CEP350: variants seen among roughly 807,000 people sequenced by gnomAD.
CEP350 encodes centrosome-associated protein 350.
CEP350 carries 126 observed loss-of-function variants against 331.8 expected under a neutral mutation model. The ratio of observed to expected loss-of-function variants is 0.38; its 90% CI spans 0.33 to 0.44. CEP350 has a LOEUF of 0.44. CEP350 is among the 20% of genes least tolerant of loss of function. The probability of loss-of-function intolerance (pLI) is 1.00; values close to 1 mark genes in which losing one functional copy is unlikely to be tolerated. For synonymous variants in CEP350, 1,200 were observed against 1,259.5 expected (o/e 0.95, Z 1.00); for missense variants, 3,406 against 3,634.6 (o/e 0.94, Z 1.62).
At chr1:179,981,843 A>G (rs1652289936) in intron 1 of CEP350, among the ~76,000 whole-genome samples, 1 of 152,124 alleles carries the variant, frequency 6.6e-6, no homozygotes, top group African/African-American at 2.4e-5. Flanking sequence ...ATAAAAATAA[A>G]AAAAAAATTA....
At chr1:180,057,282 G>A (rs1657913663) in intron 25 of CEP350, among the ~76,000 whole-genome samples, 1 of 151,706 alleles carries the variant, frequency 6.6e-6, no homozygotes, top group South Asian at 2.1e-4. Flanking sequence ...TGTATTTTTA[G>A]TAGAGACGGG....
intron 29 of CEP350, among the ~76,000 whole-genome samples, chr1:180,078,937 T>C (rs1659402970): frequency 6.6e-6 from 1 of 152,168 alleles, no homozygotes. Context: ...AAAAACAGTT[T>C]GTAGGAACAA....
Position 180,047,726 on chromosome 1 carries a change from A to C in CEP350, c.4623-810A>C, listed in dbSNP as rs898999304. On this transcript the variant is annotated intron_variant, in intron 21 of 37. Coordinates refer to ENST00000367607, the MANE Select transcript of CEP350 (RefSeq NM_014810.5). ...GCAGTGAACCAAATTGTGCCACTGC[A>C]CTCCAGCCTGGGCGACAGAATGAAA... Among the ~76,000 whole-genome samples the C allele has an allele frequency of 1.3e-4, 18 of 134,798 alleles. No individual in the cohort carries two copies. In the East Asian group the frequency reaches 4.0e-3, roughly 30 times the overall value. The allele number at this position is 134,798 out of a possible 152,430, so 88.4% of individuals were successfully genotyped here.
At chr1:180,056,029 C>CT (rs1657817859) in intron 25 of CEP350, among the ~76,000 whole-genome samples, 1 of 151,942 alleles carries the variant, frequency 6.6e-6, no homozygotes, top group African/African-American at 2.4e-5. Flanking sequence ...TGTGGGGTTT[C>CT]TTTTCACTTT....
chr1:180,096,196 A>T lies in CEP350; in HGVS notation c.9066+12A>T. 1 of 1,545,804 alleles carries T rather than the reference A, an allele frequency of 6.5e-7. No individual in the cohort carries two copies. Among genetic ancestry groups the T allele is most frequent in the Non-Finnish European group, 8.7e-7 (1 of 1,145,622 alleles). On this transcript the variant is annotated intron_variant, in intron 36 of 37. Coordinates refer to ENST00000367607, the MANE Select transcript of CEP350 (RefSeq NM_014810.5). ...TTGATGAAATCAAGGTAAACTGCAA[A>T]CTATAAAGTGTCTTCTTTTTTGACT...
At chr1:180,002,496 A>G (rs887149139) in intron 6 of CEP350, among the ~76,000 whole-genome samples, 1 of 152,138 alleles carries the variant, frequency 6.6e-6, no homozygotes, top group African/African-American at 2.4e-5. Flanking sequence ...AAAATGAAAT[A>G]AAATAAAATA....
In CEP350 at chr1:180,093,048, G is replaced by C; in HGVS notation, c.6943G>C (p.Val2315Leu). The C allele has an allele frequency of 6.2e-7, 1 of 1,606,358 alleles. No individual in the cohort carries two copies. Among genetic ancestry groups the C allele is most frequent in the Non-Finnish European group, 8.5e-7 (1 of 1,175,750 alleles). The change falls in exon 34 of 38, where the codon GTT becomes CTT. Residue 2315 changes from valine (V) to leucine (L), a missense_variant. Physicochemically the swap from Val to Leu is conservative, Grantham distance 32. Around this residue, in one of 5 missense-constraint regions of CEP350, gnomAD observed 1,415 missense variants for 1,512.3 expected, o/e 0.94. Transcript: ENST00000367607. ...TTCTGAAAATGTTCAGAAAGACCTA[G>C]TTGGATTAGCTATTGAAAATCTCCA... The part of the protein sequence containing the change: ...LDSENVQKDL[V>L]GLAIENLHKS...
chr1:180,043,628 G>T (rs1342628617), intron 20 of CEP350, among the ~76,000 whole-genome samples: 2 of 152,206 alleles, frequency 1.3e-5, no homozygotes, highest in Non-Finnish European at 1.5e-5. Flanking sequence ...GCTGGAGGCA[G>T]AGAGCAAAGA....
Position 180,008,945 on chromosome 1 carries a change from C to G in CEP350, c.1246+2378C>G, listed in dbSNP as rs1268912507. Among the ~76,000 whole-genome samples, 3 of 152,134 alleles carry G rather than the reference C, an allele frequency of 2.0e-5. No individual in the cohort carries two copies. The East Asian group carries it at 5.8e-4, about 29-fold the overall frequency. On this transcript the variant is annotated intron_variant, in intron 8 of 37. Transcript: ENST00000367607. Reference sequence around the variant, plus strand: ...CTTTAGATGTCATAATAGAGTGACACTTGCTATATACAGATAAAAAAATAA... The same window carrying G: ...CTTTAGATGTCATAATAGAGTGACAGTTGCTATATACAGATAAAAAAATAA...
rs114339568 is a variant in CEP350 at position 180,011,566 on chromosome 1, T to C, written c.1247-363T>C. Among the ~76,000 whole-genome samples the C allele has an allele frequency of 4.2e-3, 644 of 152,228 alleles. 5 individuals are homozygous for C. Among genetic ancestry groups the C allele is most frequent in the African/African-American group, 0.015 (612 of 41,534 alleles). ...AAGCGATTCTTGTGTCTCAGCCTCC[T>C]TAGTAGCTGGGATTATAGGCACCCT... On this transcript the variant is annotated intron_variant, in intron 8 of 37. Transcript: ENST00000367607.
intron 6 of CEP350, among the ~76,000 whole-genome samples, chr1:179,998,343 C>G (rs1653623787): frequency 7.2e-6 from 1 of 138,796 alleles, no homozygotes; most frequent in African/African-American, 2.8e-5. Flanking sequence ...GAGTCTCACT[C>G]TGTCGCCCAG....
chr1:180,081,044 T>G (rs1364704786), intron 30 of CEP350, among the ~76,000 whole-genome samples: 1 of 151,700 alleles, frequency 6.6e-6, no homozygotes, highest in African/African-American at 2.4e-5. Flanking sequence ...ATTTTTTTTT[T>G]TTTAGTAGAG....
intron 22 of CEP350, 60 bp downstream of exon 22, chr1:180,048,765 C>T: frequency 7.3e-7 from 1 of 1,365,070 alleles, no homozygotes; most frequent in Non-Finnish European, 1.0e-6. Flanking sequence ...GAAAGGTGAT[C>T]CTTGTTATAA....
chr1:180,054,580 C>A (rs1454843561), intron 25 of CEP350, 78 bp downstream of exon 25: 5 of 1,033,412 alleles, frequency 4.8e-6, no homozygotes, highest in Non-Finnish European at 5.9e-6. Context: ...TGCCTGATTT[C>A]TTTTCCTTAT....
rs566076546 is a variant in CEP350 at position 180,085,262 on chromosome 1, G to A, written c.6285+1084G>A. 9.2e-5 allele frequency among the ~76,000 whole-genome samples: 14 copies of A among 152,224 alleles called. 1 individual carries two copies. The South Asian group carries it at 2.7e-3, about 29-fold the overall frequency. On this transcript the variant is annotated intron_variant, in intron 31 of 37. Transcript: ENST00000367607. ...AACTTGAATTTTCCCCCAAGCCGTA[G>A]CAGCCTTTCTGAGTCTGTCCCAGGC...
intron 27 of CEP350, among the ~76,000 whole-genome samples, chr1:180,070,093 T>C (rs1045656646): frequency 7.9e-5 from 12 of 152,194 alleles, no homozygotes; most frequent in Admixed American, 5.9e-4. Flanking sequence ...GAAAAATGTA[T>C]GTACACACAT....
rs903065154 is a variant in CEP350 at position 179,962,682 on chromosome 1, A to G, written c.-14+7540A>G. On this transcript the variant is annotated intron_variant, in intron 1 of 37. Coordinates refer to ENST00000367607, the MANE Select transcript of CEP350 (RefSeq NM_014810.5). ...CTCGGCCTCCCAAAGTGCTGGGATT[A>G]CAGGCATGAGCCACTGCTCCCGGCC... Among the ~76,000 whole-genome samples the G allele has an allele frequency of 5.3e-5, 8 of 152,340 alleles. No individual in the cohort carries two copies. In the East Asian group the frequency reaches 1.2e-3, roughly 22 times the overall value.
At chr1:180,004,024 C>T (rs1173105189) in intron 7 of CEP350, among the ~76,000 whole-genome samples, 1 of 152,142 alleles carries the variant, frequency 6.6e-6, no homozygotes, top group East Asian at 1.9e-4. Flanking sequence ...TATTATTATA[C>T]AACACTCTAT....
chr1:179,988,352 A>ACAAT (rs1396409505), intron 3 of CEP350, among the ~76,000 whole-genome samples: 2 of 151,944 alleles, frequency 1.3e-5, no homozygotes, highest in Non-Finnish European at 2.9e-5. Context: ...TTGTCTATGT[A>ACAAT]GAAAGCTCAT....
Sources: allele counts gnomAD v4.1 joint callset (sites outside exome capture counted in the v4.1 genomes callset), GRCh38; gene constraint gnomAD v4.1.1; regional missense constraint gnomAD v4.1.1; transcripts MANE v1.5; gene names NCBI Gene and HGNC (gene_info 2026-07-23, HGNC 2026-07-21).